ZSWIM6: variants seen among roughly 807,000 people sequenced by gnomAD.
The protein encoded by ZSWIM6 is zinc finger SWIM-type containing 6.
In ZSWIM6, 9 loss-of-function variants were observed where a neutral mutation model predicts 113.2. The ratio of observed to expected loss-of-function variants is 0.08; its 90% CI spans 0.05 to 0.14. The LOEUF is 0.14. ZSWIM6 is among the 10% of genes least tolerant of loss of function. The probability of loss-of-function intolerance (pLI) is 1.00; values close to 1 mark genes in which losing one functional copy is unlikely to be tolerated. For missense variants in ZSWIM6, 1,162 were observed against 1,552.2 expected, an observed-to-expected ratio of 0.75 and a Z score of 4.22; for synonymous variants, 611 against 606.5, an observed-to-expected ratio of 1.01 and a Z score of -0.11.
intron 1 of ZSWIM6, among the ~76,000 whole-genome samples, chr5:61,370,906 T>G (rs1355403130): frequency 6.6e-6 from 1 of 152,194 alleles, no homozygotes; most frequent in Non-Finnish European, 1.5e-5. Context: ...CTCACAAAGT[T>G]AAGTATTTTC....
chr5:61,474,573 A>G (rs1045051559), intron 2 of ZSWIM6, among the ~76,000 whole-genome samples: 1 of 152,174 alleles, frequency 6.6e-6, no homozygotes, highest in Non-Finnish European at 1.5e-5. Context: ...TTTCATGTTA[A>G]GTCTGTGAAA....
chr5:61,375,026 G>T, intron 1 of ZSWIM6: 2 of 1,220,930 alleles, frequency 1.6e-6, no homozygotes, highest in Non-Finnish European at 2.4e-6. Flanking sequence ...GTAATGAGAG[G>T]TGGGACCAAG....
rs558652726 is a variant in ZSWIM6, at chr5:61,474,722, T to A, written c.1033+1685T>A. ...AGTCTTCTGAGTATGAGAATACTGC[T>A]ATTTATTTGTCCTTGTTCATTTTTG... On this transcript the variant is annotated intron_variant, in intron 2 of 13. Coordinates refer to ENST00000252744, the MANE Select transcript of ZSWIM6 (RefSeq NM_020928.2). Among the ~76,000 whole-genome samples, 16 of 152,300 alleles carry A rather than the reference T, an allele frequency of 1.1e-4. No individual in the cohort carries two copies. In the South Asian group the frequency reaches 3.1e-3, roughly 30 times the overall value.
intron 1 of ZSWIM6, among the ~76,000 whole-genome samples, chr5:61,456,173 G>A (rs992893532): frequency 6.6e-6 from 1 of 151,964 alleles, no homozygotes; most frequent in Non-Finnish European, 1.5e-5. Context: ...CAATTTCACA[G>A]AAAGATTTTA....
chr5:61,386,679 G>C (rs958125813), intron 1 of ZSWIM6, among the ~76,000 whole-genome samples: 1 of 152,258 alleles, frequency 6.6e-6, no homozygotes, highest in Admixed American at 6.5e-5. Context: ...AAATGTAAAG[G>C]CAGCTGGAAA....
rs748888975 is a variant in ZSWIM6, at chr5:61,445,497, C to A, written c.677-27184C>A. ...ACCTGGAGTCCCAACAGTGATAAAA[C>A]GCTTGGGATAAAAAAATCATTGGAA... On this transcript the variant is annotated intron_variant, in intron 1 of 13. Transcript: ENST00000252744. Among the ~76,000 whole-genome samples the A allele has an allele frequency of 3.9e-5, 6 of 152,182 alleles. 1 individual carries two copies. The highest frequency in any genetic ancestry group is 1.4e-4 in the African/African-American group (6 of 41,514).
At chr5:61,401,095 A>G (rs544587271) in intron 1 of ZSWIM6, among the ~76,000 whole-genome samples, 57 of 152,176 alleles carry the variant, frequency 3.7e-4, no homozygotes, top group African/African-American at 1.3e-3. Context: ...TCCCCCCGAC[A>G]ATTATTATGT....
rs189700554 is a variant in ZSWIM6, at chr5:61,457,343, G to C, written c.677-15338G>C. Reference sequence around the variant, plus strand: ...CATTTCCCTTTTCCTCAAAATTCTGGAGCCTGAAAACTAGCCATATATTTC... The same window carrying C: ...CATTTCCCTTTTCCTCAAAATTCTGCAGCCTGAAAACTAGCCATATATTTC... On this transcript the variant is annotated intron_variant, in intron 1 of 13. Transcript: ENST00000252744. 2.3e-3 allele frequency among the ~76,000 whole-genome samples: 353 copies of C among 152,208 alleles called. 2 individuals are homozygous for C. Among genetic ancestry groups the C allele is most frequent in the Admixed American group, 3.3e-3 (51 of 15,292 alleles).
At chr5:61,454,935 G>T (rs1442742191) in intron 1 of ZSWIM6, among the ~76,000 whole-genome samples, 7 of 149,750 alleles carry the variant, frequency 4.7e-5, no homozygotes, top group African/African-American at 1.7e-4. Context: ...ACATTCTCCA[G>T]CTTCATCTTG....
At chr5:61,462,312 A>G (rs955504614) in intron 1 of ZSWIM6, among the ~76,000 whole-genome samples, 1 of 152,256 alleles carries the variant, frequency 6.6e-6, no homozygotes, top group Non-Finnish European at 1.5e-5. Context: ...ATTAGGGATA[A>G]AAGGGATGTT....
At chr5:61,436,053 T>C (rs1468362358) in intron 1 of ZSWIM6, among the ~76,000 whole-genome samples, 5 of 151,994 alleles carry the variant, frequency 3.3e-5, no homozygotes, top group Admixed American at 1.3e-4. Context: ...AATACAAAAT[T>C]AGCCGGGCGT....
chr5:61,362,246 T>G (rs1745045855), intron 1 of ZSWIM6, among the ~76,000 whole-genome samples: 1 of 152,056 alleles, frequency 6.6e-6, no homozygotes, highest in Non-Finnish European at 1.5e-5. Context: ...TACCCCAGGC[T>G]GGAATGCAAT....
chr5:61,356,279 A>G (rs1744905959), intron 1 of ZSWIM6, among the ~76,000 whole-genome samples: 1 of 152,108 alleles, frequency 6.6e-6, no homozygotes, highest in Non-Finnish European at 1.5e-5. Context: ...CACTTTTTTT[A>G]AGTTGCCCTT....
intron 1 of ZSWIM6, among the ~76,000 whole-genome samples, chr5:61,396,329 C>G (rs189004879): frequency 1.4e-4 from 22 of 152,052 alleles, no homozygotes; most frequent in Non-Finnish European, 2.9e-4. Flanking sequence ...GTCAAGAGAT[C>G]GAGACTATCC....
intron 10 of ZSWIM6, among the ~76,000 whole-genome samples, chr5:61,538,335 T>C (rs1749637341): frequency 6.6e-6 from 1 of 152,192 alleles, no homozygotes; most frequent in African/African-American, 2.4e-5. Context: ...TTGTTTTATG[T>C]TTAAATAGGT....
At chr5:61,453,730 T>C (rs1747138295) in intron 1 of ZSWIM6, among the ~76,000 whole-genome samples, 1 of 151,798 alleles carries the variant, frequency 6.6e-6, no homozygotes, top group Non-Finnish European at 1.5e-5. Context: ...TTTTTTTAAA[T>C]TATTATTAGA....
At chr5:61,375,077 C>G in intron 1 of ZSWIM6, 1 of 1,584,970 alleles carries the variant, frequency 6.3e-7, no homozygotes, top group African/African-American at 1.3e-5. Context: ...GGCCCGGTTT[C>G]CCTCGGTGTG....
chr5:61,420,193 T>C (rs374387319), intron 1 of ZSWIM6, among the ~76,000 whole-genome samples: 23 of 152,388 alleles, frequency 1.5e-4, no homozygotes, highest in African/African-American at 5.3e-4. Context: ...ATTGAATTAA[T>C]TGATAAAGAA....
At chr5:61,365,000 T>C (rs1745121123) in intron 1 of ZSWIM6, among the ~76,000 whole-genome samples, 1 of 152,186 alleles carries the variant, frequency 6.6e-6, no homozygotes, top group Admixed American at 6.5e-5. Context: ...TATCTGGCTC[T>C]TTACAGAAAA....
Sources: gnomAD v4.1 joint callset for allele counts (sites outside exome capture counted in the v4.1 genomes callset) on GRCh38, gnomAD v4.1.1 for gene constraint, MANE v1.5 for transcripts, NCBI Gene and HGNC (gene_info 2026-07-23, HGNC 2026-07-21) for gene names.